CHD1: variants seen among roughly 807,000 people sequenced by gnomAD.
CHD1 encodes the protein chromodomain helicase DNA binding protein 1, also known as ATP-dependent chromatin remodeler CHD1.
Under a neutral mutation model 224.2 loss-of-function variants are expected in CHD1, and 36 were observed. That is an observed-to-expected ratio of 0.16 (90% CI 0.12 to 0.21). The LOEUF (loss-of-function observed/expected upper bound fraction) is 0.21. CHD1 is among the 10% of genes least tolerant of loss of function. The probability of loss-of-function intolerance (pLI) is 1.00; values close to 1 mark genes in which losing one functional copy is unlikely to be tolerated. For missense variants in CHD1, 1,378 were observed against 1,994.8 expected (o/e 0.69, Z 5.89); for synonymous variants, 668 against 658.3 (o/e 1.01, Z -0.23).
At chr5:98,876,358 A>T in intron 24 of CHD1, 40 bp downstream of exon 24, 1 of 1,593,858 alleles carries the variant, frequency 6.3e-7, no homozygotes, top group Non-Finnish European at 8.6e-7. Context: ...TTCACACTCT[A>T]CTAAAACCAA....
At chr5:98,885,986 GT>G (rs1230646100) in intron 17 of CHD1, 1 of 188,488 alleles carries the variant, frequency 5.3e-6, no homozygotes, top group Non-Finnish European at 1.1e-5. Context: ...ATACTCTCAT[GT>G]TTTATCATTT....
Position 98,901,221 on chromosome 5 carries a change from T to A in CHD1, c.552A>T (p.Pro184=). 1.2e-6 allele frequency: 2 copies of A among 1,613,254 alleles called. No homozygotes were observed. The highest frequency in any genetic ancestry group is 1.7e-6 in the Non-Finnish European group (2 of 1,179,788). ...GTTTTCTGCTTTTGACTTTGTTTTT[T>A]GGCTCATAATCAGATTCTGTTTCAT... is the stretch of plus-strand genomic sequence containing the variant. ...SCDETESDYE[P]KNKVKSRKPQ... Residue 184 remains proline (P), a synonymous_variant, in exon 6 of 36, where the codon CCA becomes CCT. Coordinates refer to ENST00000614616, the MANE Select transcript of CHD1 (RefSeq NM_001270.4).
intron 2 of CHD1, among the ~76,000 whole-genome samples, chr5:98,915,555 T>C (rs1752679997): frequency 6.6e-6 from 1 of 152,208 alleles, no homozygotes; most frequent in African/African-American, 2.4e-5. Context: ...GAAAAGTCAC[T>C]GAAAAATAGT....
intron 5 of CHD1, among the ~76,000 whole-genome samples, chr5:98,902,414 C>T (rs1380287432): frequency 2.6e-5 from 4 of 151,866 alleles, no homozygotes; most frequent in Non-Finnish European, 5.9e-5. Flanking sequence ...TTAAAATAAA[C>T]ATGGATTGAG....
Position 98,900,903 on chromosome 5 carries a change from A to G in CHD1, c.767T>C (p.Leu256Pro). 1 of 1,614,080 alleles carries G rather than the reference A, an allele frequency of 6.2e-7. No homozygotes were observed. Among genetic ancestry groups the G allele is most frequent in the Non-Finnish European group, 8.5e-7 (1 of 1,179,936 alleles). Residue 256 changes from leucine (L) to proline (P), a missense_variant, in exon 7 of 36, where the codon CTG (leucine) becomes CCG (proline). By Grantham distance (98) the Leu-to-Pro change is moderately conservative (BLOSUM62 -3). This residue lies in a region of CHD1 where 306 missense variants were observed against 298.1 expected (regional missense o/e 1.03). Transcript: ENST00000614616. ...AGGAACATCCTCTCCACAGACTTCC[A>G]GTAGGTCATCAGAATCTGTTTTCAT... ...EEMKTDSDDL[L>P]EVCGEDVPQP...
intron 2 of CHD1, among the ~76,000 whole-genome samples, chr5:98,908,618 A>G (rs1401822958): frequency 7.2e-5 from 11 of 152,134 alleles, no homozygotes; most frequent in Non-Finnish European, 1.5e-4. Context: ...TAAATCTCTG[A>G]TCTCCAATTA....
chr5:98,908,115 T>G (rs2112566199), intron 2 of CHD1, among the ~76,000 whole-genome samples: 1 of 152,286 alleles, frequency 6.6e-6, no homozygotes, highest in South Asian at 2.1e-4. Context: ...TTTCAGGATC[T>G]CTCTCTAATT....
In CHD1 at chr5:98,879,540, T is replaced by C. The variant is rs764246094; in HGVS notation, c.3237+12A>G. On this transcript the variant is annotated intron_variant, in intron 23 of 35. Coordinates refer to ENST00000614616, the MANE Select transcript of CHD1 (RefSeq NM_001270.4). ...TTACTTTATAGAAATATCTTTAAAATTGCAAAATCACCTGTTTTGCACAAT... is the reference window on the plus strand; with the variant it reads ...TTACTTTATAGAAATATCTTTAAAACTGCAAAATCACCTGTTTTGCACAAT... 3.8e-6 allele frequency: 6 copies of C among 1,579,130 alleles called. No homozygotes were observed. Among genetic ancestry groups the C allele is most frequent in the Middle Eastern group, 1.8e-4 (1 of 5,534 alleles).
chr5:98,912,880 AAGATTT>A (rs1430133005), intron 2 of CHD1, among the ~76,000 whole-genome samples: 1 of 152,086 alleles, frequency 6.6e-6, no homozygotes, highest in Non-Finnish European at 1.5e-5. Flanking sequence ...TTAGCACATA[AAGATTT>A]TCTTTCTTGT....
chr5:98,859,259 AATACT>A (rs1561475098), intron 33 of CHD1, among the ~76,000 whole-genome samples: 1 of 152,136 alleles, frequency 6.6e-6, no homozygotes, highest in Non-Finnish European at 1.5e-5. Context: ...AGGTTGCAAA[AATACT>A]GAGTTCCCTT....
intron 14 of CHD1, 64 bp downstream of exon 14, chr5:98,893,352 C>G (rs1018152338): frequency 1.9e-6 from 2 of 1,077,736 alleles, no homozygotes; most frequent in African/African-American, 3.3e-5. Context: ...ACCTTATTAC[C>G]TGGGTTTATT....
intron 14 of CHD1, 98 bp downstream of exon 14, chr5:98,893,318 T>G: frequency 1.4e-6 from 1 of 723,116 alleles, no homozygotes; most frequent in Non-Finnish European, 2.2e-6. Context: ...ATCTAATCTT[T>G]TAGGGCAATA....
Position 98,894,799 on chromosome 5 carries a change from T to A in CHD1, c.1711-113A>T. ...AAATATGTAAGTAACTATTAATATA[T>A]GTTTATGTAATAAAAGAGTTTTTGT... On this transcript the variant is annotated intron_variant, in intron 12 of 35. Coordinates refer to ENST00000614616, the MANE Select transcript of CHD1 (RefSeq NM_001270.4). 7.8e-6 allele frequency: 4 copies of A among 513,180 alleles called. No homozygotes were observed. The South Asian group carries it at 8.9e-5, about 11-fold the overall frequency. 31.8% of individuals were successfully genotyped at this position (513,180 alleles called of 1,614,324 possible).
intron 20 of CHD1, 30 bp downstream of exon 20, chr5:98,881,945 A>T: frequency 1.3e-6 from 2 of 1,597,630 alleles, no homozygotes; most frequent in Non-Finnish European, 1.7e-6. Context: ...TGACTCTAAA[A>T]TGACATTTTT....
At chr5:98,913,933 T>TA (rs552119025) in intron 2 of CHD1, among the ~76,000 whole-genome samples, 9 of 151,910 alleles carry the variant, frequency 5.9e-5, no homozygotes, top group Admixed American at 1.3e-4. Flanking sequence ...GTTTTTTTTT[T>TA]AAAAAATTCC....
intron 3 of CHD1, 31 bp from the exon 4 acceptor site, chr5:98,903,939 G>A (rs1003885763): frequency 6.5e-6 from 9 of 1,383,636 alleles, no homozygotes; most frequent in Admixed American, 4.1e-5. Flanking sequence ...AGTGAATGAA[G>A]AAGTATTAAG....
intron 30 of CHD1, chr5:98,869,379 A>C: frequency 2.2e-6 from 1 of 457,162 alleles, no homozygotes; most frequent in Non-Finnish European, 2.9e-6. Context: ...ATTCTGAAAG[A>C]GCCCAGAATC....
At chr5:98,874,058 G>C (rs1326490798) in intron 25 of CHD1, among the ~76,000 whole-genome samples, 1 of 150,534 alleles carries the variant, frequency 6.6e-6, no homozygotes, top group African/African-American at 2.5e-5. Flanking sequence ...GCTGAGTAAA[G>C]TTCTGTAACT....
chr5:98,911,141 AAAAAAATATATATATATATAT>A (rs1752368553), intron 2 of CHD1, among the ~76,000 whole-genome samples: 1 of 114,762 alleles, frequency 8.7e-6, no homozygotes, highest in Non-Finnish European at 1.7e-5. Context: ...AAAAAAAAAA[AAAAAAATATATATATATATAT>A]ATATATATAT....
Sources: allele counts gnomAD v4.1 joint callset (sites outside exome capture counted in the v4.1 genomes callset), GRCh38; gene constraint gnomAD v4.1.1; regional missense constraint gnomAD v4.1.1; transcripts MANE v1.5; gene names NCBI Gene and HGNC (gene_info 2026-07-23, HGNC 2026-07-21).